SKAP1: variants seen among roughly 807,000 people sequenced by gnomAD.
SKAP1 encodes src kinase-associated phosphoprotein 1.
In SKAP1, 44 loss-of-function variants were observed where a neutral mutation model predicts 58.5. The observed-to-expected ratio is 0.75, with a 90% CI of 0.59 to 0.97. The LOEUF (loss-of-function observed/expected upper bound fraction) is 0.97, where lower values mean the gene tolerates loss of function less well. Among genes scored for constraint, SKAP1 ranks in the 50% least tolerant of loss-of-function variants. The pLI is 0.00. For synonymous variants in SKAP1, 127 were observed against 149.7 expected (o/e 0.85, Z 1.11); for missense variants, 390 against 435.2 (o/e 0.90, Z 0.92).
intron 4 of SKAP1, among the ~76,000 whole-genome samples, chr17:48,214,384 C>T (rs1338208917): frequency 6.6e-6 from 1 of 152,202 alleles, no homozygotes; most frequent in African/African-American, 2.4e-5. Context: ...TCTTCATCTC[C>T]TCTAAAACAT....
chr17:48,149,226 G>A (rs572036893), intron 11 of SKAP1, among the ~76,000 whole-genome samples: 1 of 152,234 alleles, frequency 6.6e-6, no homozygotes, highest in South Asian at 2.1e-4. Flanking sequence ...TTTAATTTTA[G>A]CTTAAAACCT....
intron 4 of SKAP1, among the ~76,000 whole-genome samples, chr17:48,303,442 G>A (rs1270962421): frequency 5.9e-5 from 9 of 152,178 alleles, no homozygotes; most frequent in Non-Finnish European, 1.0e-4. Context: ...CTACTCAGTA[G>A]TCTTGGAAAT....
At chr17:48,143,189 CTTTTTTTTT>C (rs1329483693) in intron 11 of SKAP1, among the ~76,000 whole-genome samples, 2 of 106,330 alleles carry the variant, frequency 1.9e-5, no homozygotes, top group Non-Finnish European at 3.8e-5. Context: ...AATTCTTTAG[CTTTTTTTTT>C]TTTTTTTTTT....
chr17:48,239,862 G>GAGAC (rs2065226737), intron 4 of SKAP1, among the ~76,000 whole-genome samples: 1 of 151,798 alleles, frequency 6.6e-6, no homozygotes, highest in Non-Finnish European at 1.5e-5. Flanking sequence ...GAGAGAGAGA[G>GAGAC]AGAGAGAGAG....
intron 8 of SKAP1, among the ~76,000 whole-genome samples, chr17:48,180,814 A>G (rs1401066059): frequency 6.6e-6 from 1 of 152,330 alleles, no homozygotes; most frequent in Non-Finnish European, 1.5e-5. Flanking sequence ...TAACAGTAAT[A>G]CAAGACCAAA....
At chr17:48,340,907 T>C (rs1246900697) in intron 4 of SKAP1, among the ~76,000 whole-genome samples, 2 of 152,084 alleles carry the variant, frequency 1.3e-5, no homozygotes. Flanking sequence ...GGAAAATGAG[T>C]TGGAAAGCCC....
intron 1 of SKAP1, among the ~76,000 whole-genome samples, chr17:48,413,948 A>C (rs148880922): frequency 6.6e-6 from 1 of 152,192 alleles, no homozygotes; most frequent in African/African-American, 2.4e-5. Flanking sequence ...ACAATACCGC[A>C]TGGTGTAAAT....
chr17:48,181,222 A>AT (rs1416395840), intron 8 of SKAP1, among the ~76,000 whole-genome samples: 1 of 152,232 alleles, frequency 6.6e-6, no homozygotes, highest in Non-Finnish European at 1.5e-5. Context: ...TCAAAAACAC[A>AT]TTTGTGGCTT....
intron 4 of SKAP1, among the ~76,000 whole-genome samples, chr17:48,277,093 T>G: frequency 6.6e-6 from 1 of 152,352 alleles, no homozygotes; most frequent in Middle Eastern, 3.4e-3. Flanking sequence ...TTTAAGTTTC[T>G]CTTTTAAGAA....
chr17:48,339,592 C>T (rs2066619913), intron 4 of SKAP1, among the ~76,000 whole-genome samples: 1 of 152,114 alleles, frequency 6.6e-6, no homozygotes, highest in East Asian at 1.9e-4. Flanking sequence ...GCTAGGGTAC[C>T]AGTGACTGAA....
intron 4 of SKAP1, among the ~76,000 whole-genome samples, chr17:48,263,102 T>G (rs748237310): frequency 3.3e-5 from 5 of 152,230 alleles, no homozygotes; most frequent in Non-Finnish European, 7.3e-5. Flanking sequence ...CTCAAAATTG[T>G]ACCTACTTAA....
At chr17:48,283,511 C>T (rs2065793420) in intron 4 of SKAP1, among the ~76,000 whole-genome samples, 1 of 152,156 alleles carries the variant, frequency 6.6e-6, no homozygotes, top group African/African-American at 2.4e-5. Context: ...CCTCTGCCAT[C>T]TATGGATGCA....
At chr17:48,199,625 A>G (rs2064699101) in intron 4 of SKAP1, among the ~76,000 whole-genome samples, 4 of 152,046 alleles carry the variant, frequency 2.6e-5, no homozygotes, top group Admixed American at 2.6e-4. Context: ...GCTCCCAGGG[A>G]CCCTAAATCT....
intron 4 of SKAP1, among the ~76,000 whole-genome samples, chr17:48,212,215 GA>G: frequency 6.6e-6 from 1 of 152,036 alleles, no homozygotes; most frequent in Non-Finnish European, 1.5e-5. Context: ...GCGATTAGAG[GA>G]AAGTGTTTTC....
At chr17:48,217,563 C>G (rs971969773) in intron 4 of SKAP1, among the ~76,000 whole-genome samples, 37 of 152,214 alleles carry the variant, frequency 2.4e-4, no homozygotes, top group African/African-American at 8.9e-4. Flanking sequence ...GAGAGGATAG[C>G]TTGAGCCAAG....
At chr17:48,170,801 C>G (rs1456945684) in intron 9 of SKAP1, 142 bp from the exon 10 acceptor site, 2 of 716,664 alleles carry the variant, frequency 2.8e-6, no homozygotes, top group Non-Finnish European at 4.7e-6. Flanking sequence ...AATTCCACGT[C>G]TGGGGTTCAA....
chr17:48,357,678 G>A (rs373309803), intron 3 of SKAP1, among the ~76,000 whole-genome samples: 2 of 152,018 alleles, frequency 1.3e-5, no homozygotes, highest in Non-Finnish European at 2.9e-5. Context: ...CAAAACAATT[G>A]CTGCATTAAT....
intron 4 of SKAP1, among the ~76,000 whole-genome samples, chr17:48,342,333 G>A (rs1352223283): frequency 6.6e-6 from 1 of 152,148 alleles, no homozygotes; most frequent in African/African-American, 2.4e-5. Context: ...ATTGTAATTA[G>A]GTAGCAACAG....
chr17:48,205,015 TTTTCTTTCTTTCTTTCTTTCTTTCTC>T (rs1431856885), intron 4 of SKAP1, among the ~76,000 whole-genome samples: 11 of 55,676 alleles, frequency 2.0e-4, no homozygotes, highest in African/African-American at 8.2e-4. Flanking sequence ...CTTTCTTTCT[TTTTCTTTCTTTCTTTCTTTCTTTCTC>T]TCTCTCTCTT....
Sources: allele counts gnomAD v4.1 joint callset (sites outside exome capture counted in the v4.1 genomes callset), GRCh38; gene constraint gnomAD v4.1.1; transcripts MANE v1.5; gene names NCBI Gene and HGNC (gene_info 2026-07-23, HGNC 2026-07-21).